The following NWD1 variants were observed in gnomAD, a reference collection of about 807,000 sequenced individuals.
NWD1 encodes the protein NACHT and WD repeat domain containing 1, also known as NACHT domain- and WD repeat-containing protein 1.
In NWD1, 129 loss-of-function variants were observed where a neutral mutation model predicts 135.1. The ratio of observed to expected loss-of-function variants is 0.96; its 90% confidence interval spans 0.83 to 1.11. NWD1 has a LOEUF of 1.11. NWD1 is among the 50% of genes least tolerant of loss of function. The probability of loss-of-function intolerance (pLI) is 0.00; values close to 1 mark genes in which losing one functional copy is unlikely to be tolerated. For missense variants in NWD1, 1,740 were observed against 1,851.3 expected (o/e 0.94, Z 1.10); for synonymous variants, 773 against 786.0 (o/e 0.98, Z 0.28).
In NWD1 at chr19:16,815,163, C is replaced by A; in HGVS notation, c.*124C>A. On this transcript the variant is annotated 3_prime_UTR_variant, in exon 19 of 19. Transcript: ENST00000524140. ...CAGTGCCTTTCAGCAAAAGCCTCAC[C>A]GCAGGACCCTCTTAAGAACTTCAAG... 1 of 989,030 alleles carries A rather than the reference C, an allele frequency of 1.0e-6. No homozygotes were observed. Among genetic ancestry groups the A allele is most frequent in the Non-Finnish European group, 1.6e-6 (1 of 608,696 alleles). 61.3% of individuals were successfully genotyped at this position (989,030 alleles called of 1,614,324 possible).
intron 13 of NWD1, 89 bp downstream of exon 13, chr19:16,789,279 G>A: frequency 4.1e-6 from 4 of 982,290 alleles, no homozygotes; most frequent in East Asian, 2.6e-5. Flanking sequence ...AGGGCTCCCT[G>A]ATACAGTGAT....
intron 3 of NWD1, among the ~76,000 whole-genome samples, chr19:16,732,908 T>C (rs983609928): frequency 9.9e-5 from 15 of 152,066 alleles, no homozygotes; most frequent in African/African-American, 3.6e-4. Context: ...GAATGATTCA[T>C]TGCACCAAAG....
At chr19:16,763,736 C>A in intron 8 of NWD1, 92 bp from the exon 9 acceptor site, 1 of 824,344 alleles carries the variant, frequency 1.2e-6, no homozygotes, top group Non-Finnish European at 2.1e-6. Context: ...CACTCCAGCA[C>A]TGTCTGGAGC....
intron 2 of NWD1, among the ~76,000 whole-genome samples, chr19:16,728,309 G>T (rs1340056595): frequency 7.0e-6 from 1 of 142,404 alleles, no homozygotes; most frequent in East Asian, 2.0e-4. Flanking sequence ...TTCTGAGATG[G>T]AGTCTCACTC....
intron 5 of NWD1, 81 bp from the exon 6 acceptor site, chr19:16,749,058 A>G (rs1968438742): frequency 9.3e-7 from 1 of 1,077,456 alleles, no homozygotes; most frequent in East Asian, 2.4e-5. Flanking sequence ...CCCCAACAAC[A>G]GGTCTCCCAG....
intron 9 of NWD1, among the ~76,000 whole-genome samples, chr19:16,764,361 GTCCATCCATCCATCCA>G (rs71180332): frequency 1.5e-4 from 22 of 145,200 alleles, no homozygotes; most frequent in Middle Eastern, 3.6e-3. Flanking sequence ...CCCATCTTCT[GTCCATCCATCCATCCA>G]TCCATCCATC....
intron 2 of NWD1, among the ~76,000 whole-genome samples, chr19:16,725,658 T>G (rs1967300082): frequency 6.6e-6 from 1 of 152,058 alleles, no homozygotes; most frequent in Admixed American, 6.6e-5. Context: ...GTTCAAGCGA[T>G]GCTTCCGCCT....
chr19:16,742,544 T>A (rs1382920754), intron 4 of NWD1, among the ~76,000 whole-genome samples: 1 of 151,902 alleles, frequency 6.6e-6, no homozygotes, highest in African/African-American at 2.4e-5. Flanking sequence ...GTTTCCATGA[T>A]AATAAAAGGG....
At chr19:16,794,432 G>C in intron 14 of NWD1, 31 bp from the exon 15 acceptor site, 1 of 1,315,404 alleles carries the variant, frequency 7.6e-7, no homozygotes, top group South Asian at 1.2e-5. Context: ...ACCCGTGGAA[G>C]TGCCTGACAG....
chr19:16,784,358 C>T (rs28713378), intron 12 of NWD1, among the ~76,000 whole-genome samples: 25,938 of 151,812 alleles, frequency 0.17, 4,987 homozygotes, highest in African/African-American at 0.48. Flanking sequence ...ACAGCCAGAC[C>T]CGTATCTCTA....
rs766016710 is a variant in NWD1 at position 16,749,822 on chromosome 19, T to G, written c.1180T>G (p.Cys394Gly). The G allele has an allele frequency of 4.6e-5, 74 of 1,609,060 alleles. No homozygotes were observed. Among genetic ancestry groups the G allele is most frequent in the Non-Finnish European group, 6.3e-5 (74 of 1,177,520 alleles). ...GCTGAAGAGCATCTGCTTCCAGGTG[T>G]GCCTGGCCTATGGGCTGCCCTTGCC... ...GLLKSICFQV[C>G]LAYGLPLPPA... The change falls in exon 6 of 19, where the codon TGC (cysteine) becomes GGC (glycine). Residue 394 changes from cysteine to glycine, a missense_variant. Physicochemically the swap from Cys to Gly is radical, Grantham distance 159 (BLOSUM62 -3). Coordinates refer to ENST00000524140, the MANE Select transcript of NWD1 (RefSeq NM_001007525.5).
chr19:16,812,377 A>G (rs1449341337), intron 18 of NWD1, among the ~76,000 whole-genome samples: 2 of 152,018 alleles, frequency 1.3e-5, no homozygotes, highest in Non-Finnish European at 1.5e-5. Context: ...AATCAAGATC[A>G]TATTGTCTGG....
At chr19:16,797,142 T>C (rs1970441473) in intron 15 of NWD1, among the ~76,000 whole-genome samples, 1 of 149,902 alleles carries the variant, frequency 6.7e-6, no homozygotes, top group South Asian at 2.1e-4. Flanking sequence ...ATCATGCCAC[T>C]GCACTCCAGC....
In NWD1 at chr19:16,744,402, G is replaced by A. The variant is rs1044110894; in HGVS notation, c.199-19G>A. 5.9e-6 allele frequency: 9 copies of A among 1,534,612 alleles called. No homozygotes were observed. In the African/African-American group the frequency reaches 6.9e-5, roughly 12 times the overall value. ...AAGAAAAAAAGTGAGATTTGAATCT[G>A]TGACTTCCTCTCTGCCAGGCCCTCA... On this transcript the variant is annotated intron_variant, in intron 4 of 18. Transcript: ENST00000524140.
chr19:16,759,409 C>T lies in NWD1; in HGVS notation c.1954C>T (p.Leu652Phe). Residue 652 changes from leucine (L) to phenylalanine (F), a missense_variant, in exon 7 of 19, where the codon CTC becomes TTC. By Grantham distance (22) the Leu-to-Phe change is conservative (BLOSUM62 0). Coordinates refer to ENST00000524140, the MANE Select transcript of NWD1 (RefSeq NM_001007525.5). ...CCGGCGGCCCGTGGATGGCTTCACCCTCCTGGCCATTGCCCACAGGTAGGT... is the reference window on the plus strand; with the variant it reads ...CCGGCGGCCCGTGGATGGCTTCACCTTCCTGGCCATTGCCCACAGGTAGGT... ...LARRPVDGFTLLAIAHRQLVE... is the reference protein window; with the variant it reads ...LARRPVDGFTFLAIAHRQLVE... The T allele has an allele frequency of 1.9e-6, 3 of 1,569,744 alleles. No homozygotes were observed. The highest frequency in any genetic ancestry group is 2.6e-6 in the Non-Finnish European group (3 of 1,160,474).
At chr19:16,744,932 T>G (rs1968243931) in intron 5 of NWD1, 1 of 651,474 alleles carries the variant, frequency 1.5e-6, no homozygotes. Context: ...GATCTTCCTC[T>G]CCTCGCTGGC....
rs1568358640 is a variant in NWD1 at position 16,759,277 on chromosome 19, GTCCTGCAGGA to G, written c.1824_1833del (p.Leu609CysfsTer95). The G allele has an allele frequency of 6.2e-7, 1 of 1,614,154 alleles. No homozygotes were observed. The highest frequency in any genetic ancestry group is 8.5e-7 in the Non-Finnish European group (1 of 1,180,014). ...GGATGTTTTGTCCCTGGACGACGAG[GTCCTGCAGGA>G]TGTGTACCGAGATTGGACCCCGCCC... On this transcript the variant is annotated frameshift_variant, in exon 7 of 19. Transcript: ENST00000524140. LOFTEE classifies it high-confidence loss of function.
intron 4 of NWD1, among the ~76,000 whole-genome samples, chr19:16,743,575 ACCT>A (rs1021270273): frequency 1.1e-4 from 16 of 151,968 alleles, no homozygotes; most frequent in Admixed American, 2.0e-4. Context: ...GGTCAACTTC[ACCT>A]CCATCTTCTC....
Position 16,744,659 on chromosome 19 carries a change from A to C in NWD1, c.437A>C (p.Gln146Pro). The C allele has an allele frequency of 6.5e-7, 1 of 1,535,986 alleles. No individual in the cohort carries two copies. Among genetic ancestry groups the C allele is most frequent in the South Asian group, 1.2e-5 (1 of 84,056 alleles). The change falls in exon 5 of 19, where the codon CAG becomes CCG. Residue 146 changes from glutamine (Q) to proline (P), a missense_variant. Coordinates refer to ENST00000524140, the MANE Select transcript of NWD1 (RefSeq NM_001007525.5). ...TLTSVLRSGAQEARRLGLITQ... is the reference protein window; with the variant it reads ...TLTSVLRSGAPEARRLGLITQ... The stretch of plus-strand genomic sequence containing the variant: ...ACTTCTGTCCTACGCTCTGGAGCCC[A>C]GGAGGCCCGGAGGCTGGGGCTCATC...
Sources: allele counts gnomAD v4.1 joint callset (sites outside exome capture counted in the v4.1 genomes callset), GRCh38; gene constraint gnomAD v4.1.1; transcripts MANE v1.5; gene names NCBI Gene and HGNC (gene_info 2026-07-23, HGNC 2026-07-21).